MYEF2: variants seen among roughly 807,000 people sequenced by gnomAD.
MYEF2 encodes the protein myelin expression factor 2.
In MYEF2, 37 loss-of-function variants were observed where a neutral mutation model predicts 75.2. The ratio of observed to expected loss-of-function variants is 0.49; its 90% CI spans 0.38 to 0.65. The LOEUF is 0.65. MYEF2 is among the 30% of genes least tolerant of loss of function. The pLI is 0.00. For missense variants in MYEF2, 634 were observed against 771.4 expected (o/e 0.82, Z 2.11); for synonymous variants, 195 against 241.6 (o/e 0.81, Z 1.79).
At chr15:48,162,793 C>G (rs534760730) in intron 5 of MYEF2, 1 of 152,148 alleles carries the variant, frequency 6.6e-6, no homozygotes, top group African/African-American at 2.4e-5. Context: ...TTTGGGGCAC[C>G]ATCAACCGTG....
intron 16 of MYEF2, among the ~76,000 whole-genome samples, chr15:48,148,087 T>A (rs1027612401): frequency 6.6e-6 from 1 of 152,016 alleles, no homozygotes; most frequent in African/African-American, 2.4e-5. Flanking sequence ...GATAATATTA[T>A]CTCTGTAGTG....
At chr15:48,176,316 T>C (rs1355442588) in intron 1 of MYEF2, among the ~76,000 whole-genome samples, 1 of 151,290 alleles carries the variant, frequency 6.6e-6, no homozygotes, top group East Asian at 1.9e-4. Context: ...GAATAGACAG[T>C]AAGAGAAATC....
rs554056816 is a variant in MYEF2, at chr15:48,165,045, T to C, written c.525+888A>G. On this transcript the variant is annotated intron_variant, in intron 5 of 16. Coordinates refer to ENST00000324324, the MANE Select transcript of MYEF2 (RefSeq NM_016132.5). ...CTACCATTACTTCAGTTTAGAGAAATTAAGTAGCATGTCTAGACACCCACT... is the reference window on the plus strand; with the variant it reads ...CTACCATTACTTCAGTTTAGAGAAACTAAGTAGCATGTCTAGACACCCACT... 3.3e-5 allele frequency among the ~76,000 whole-genome samples: 5 copies of C among 152,164 alleles called. No individual in the cohort carries two copies. The South Asian group carries it at 1.0e-3, about 32-fold the overall frequency.
At chr15:48,148,158 T>C (rs2039360149) in intron 16 of MYEF2, among the ~76,000 whole-genome samples, 1 of 152,026 alleles carries the variant, frequency 6.6e-6, no homozygotes, top group Non-Finnish European at 1.5e-5. Flanking sequence ...TCAGAAATTA[T>C]ATATATGCTA....
intron 1 of MYEF2, among the ~76,000 whole-genome samples, chr15:48,175,022 T>C (rs1205997704): frequency 1.3e-5 from 2 of 152,086 alleles, no homozygotes; most frequent in South Asian, 2.1e-4. Context: ...ACCCAAGATA[T>C]GGAAACAACG....
rs981358435 is a variant in MYEF2, at chr15:48,159,455, T to A, written c.717+158A>T. On this transcript the variant is annotated intron_variant, in intron 6 of 16. Transcript: ENST00000324324. ...GTGCGTGTGTGTGTGTGTGTATATA[T>A]ATGTATATACGTCAATTGATTTTGA... is the stretch of plus-strand genomic sequence containing the variant. The A allele has an allele frequency of 4.8e-6, 3 of 630,366 alleles. No individual in the cohort carries two copies. In the African/African-American group the frequency reaches 5.5e-5, roughly 12 times the overall value. 39.0% of individuals were successfully genotyped at this position (630,366 alleles called of 1,614,324 possible).
intron 16 of MYEF2, among the ~76,000 whole-genome samples, chr15:48,148,582 T>A (rs944241336): frequency 5.3e-5 from 8 of 152,046 alleles, no homozygotes; most frequent in Admixed American, 4.6e-4. Flanking sequence ...GGGTCTCACC[T>A]ATTAACTCCT....
Position 48,139,000 on chromosome 15 carries a change from A to T in MYEF2, c.*3908T>A. On this transcript the variant is annotated 3_prime_UTR_variant, in exon 17 of 17. Transcript: ENST00000324324. Reference sequence around the variant, plus strand: ...CAAGTGTTTTCAACATGCCTGAAGCAGACTTAAAAAGAATTTTTTGGGTAT... The same window carrying T: ...CAAGTGTTTTCAACATGCCTGAAGCTGACTTAAAAAGAATTTTTTGGGTAT... The T allele has an allele frequency of 1.2e-6, 2 of 1,612,960 alleles. No individual in the cohort carries two copies. The highest frequency in any genetic ancestry group is 1.7e-6 in the Non-Finnish European group (2 of 1,179,242).
intron 1 of MYEF2, chr15:48,169,761 T>A (rs2040258215): frequency 6.6e-6 from 1 of 152,102 alleles, no homozygotes; most frequent in Admixed American, 6.6e-5. Flanking sequence ...CATGCCCAGC[T>A]AATTTTTTGT....
Position 48,178,206 on chromosome 15 carries a change from C to G in MYEF2, c.32G>C (p.Gly11Ala). 2.0e-6 allele frequency: 3 copies of G among 1,488,296 alleles called. No homozygotes were observed. The highest frequency in any genetic ancestry group is 1.3e-5 in the South Asian group (1 of 76,398). 92.2% of individuals were successfully genotyped at this position (1,488,296 alleles called of 1,614,324 possible). A position where few individuals can be genotyped will look rare whatever the true frequency, so the allele number is the denominator to read the frequency against. MADANKAEVP[G>A]ATGGDSPHLQ... is the part of the protein sequence containing the mutation. ...GTGCGGGCTGTCGCCACCAGTGGCC[C>G]CGGGCACCTCGGCCTTGTTGGCGTC... is the stretch of plus-strand genomic sequence containing the variant. Residue 11 changes from glycine (G) to alanine (A), a missense_variant, in exon 1 of 17, where the codon GGG becomes GCG. Physicochemically the swap from Gly to Ala is moderately conservative, Grantham distance 60. Coordinates refer to ENST00000324324, the MANE Select transcript of MYEF2 (RefSeq NM_016132.5).
chr15:48,146,351 T>C (rs558455739), intron 16 of MYEF2, among the ~76,000 whole-genome samples: 89 of 152,032 alleles, frequency 5.9e-4, no homozygotes, highest in Non-Finnish European at 9.3e-4. Context: ...GAAAGATGTG[T>C]ATCTTACCAG....
chr15:48,152,433 G>A (rs977374913), intron 10 of MYEF2, 149 bp from the exon 11 acceptor site: 2 of 624,296 alleles, frequency 3.2e-6, no homozygotes, highest in African/African-American at 3.8e-5. Flanking sequence ...ATGGTTTAAA[G>A]TGCTATGCCA....
At position 48,142,819 on chromosome 15, in the gene MYEF2, T is replaced by G; in HGVS notation, c.*89A>C. ...TTTAAAAGTTCATTTTTACAGCTTT[T>G]GTAAGCATACAATATTACTTTAAAA... On this transcript the variant is annotated 3_prime_UTR_variant, in exon 17 of 17. Coordinates refer to ENST00000324324, the MANE Select transcript of MYEF2 (RefSeq NM_016132.5). 1 of 1,267,396 alleles carries G rather than the reference T, an allele frequency of 7.9e-7. No homozygotes were observed. 78.5% of individuals were successfully genotyped at this position (1,267,396 alleles called of 1,614,324 possible). A position where few individuals can be genotyped will look rare whatever the true frequency, so the allele number is the denominator to read the frequency against.
chr15:48,160,046 C>T (rs2039877008), intron 5 of MYEF2, among the ~76,000 whole-genome samples: 1 of 151,964 alleles, frequency 6.6e-6, no homozygotes, highest in Admixed American at 6.6e-5. Flanking sequence ...CACTTAAGAA[C>T]TTGAAATTAG....
chr15:48,153,921 C>A, intron 9 of MYEF2, 28 bp from the exon 10 acceptor site: 1 of 1,579,014 alleles, frequency 6.3e-7, no homozygotes, highest in Non-Finnish European at 8.7e-7. Context: ...ACAATCATTA[C>A]AAAGATCCAT....
chr15:48,171,614 G>GA (rs1214809597), intron 1 of MYEF2, among the ~76,000 whole-genome samples: 4 of 151,060 alleles, frequency 2.6e-5, no homozygotes, highest in South Asian at 2.1e-4. Flanking sequence ...AACAAAAAAA[G>GA]AAAAAAAACT....
chr15:48,167,551 G>A, intron 2 of MYEF2, 150 bp from the exon 3 acceptor site: 1 of 583,550 alleles, frequency 1.7e-6, no homozygotes, highest in South Asian at 2.8e-5. Flanking sequence ...CCTATCAATG[G>A]CTATGTAAAT....
chr15:48,161,637 A>C lies in MYEF2; in HGVS notation c.526-1833T>G, dbSNP rs370071602. 7.5e-4 allele frequency among the ~76,000 whole-genome samples: 114 copies of C among 151,726 alleles called. No individual in the cohort carries two copies. In the South Asian group the frequency reaches 0.023, roughly 31 times the overall value. On this transcript the variant is annotated intron_variant, in intron 5 of 16. Coordinates refer to ENST00000324324, the MANE Select transcript of MYEF2 (RefSeq NM_016132.5). ...ATTACTGAGGATCTACAATGTGCTG[A>C]AACTTAAAAGAACACAATAACATGA...
chr15:48,157,246 T>C (rs2039733807), intron 9 of MYEF2: 1 of 152,134 alleles, frequency 6.6e-6, no homozygotes, highest in South Asian at 2.1e-4. Flanking sequence ...GACAATATTA[T>C]TCTCCCCACT....
Sources: allele counts gnomAD v4.1 joint callset (sites outside exome capture counted in the v4.1 genomes callset), GRCh38; gene constraint gnomAD v4.1.1; transcripts MANE v1.5; gene names NCBI Gene and HGNC (gene_info 2026-07-23, HGNC 2026-07-21).